Variants in EFCAB5 observed in about 807,000 individuals in gnomAD.
EFCAB5 encodes EF-hand calcium binding domain 5.
A neutral mutation model predicts 167.9 loss-of-function variants in EFCAB5; 131 were observed. The observed-to-expected ratio is 0.78, with a 90% CI of 0.68 to 0.90. The LOEUF is 0.90. Ranked by LOEUF, EFCAB5 falls within the 40% of genes least tolerant of loss-of-function variation. The pLI, the probability that EFCAB5 is intolerant of heterozygous loss-of-function variation, is 0.00. For synonymous variants in EFCAB5, 574 were observed against 602.8 expected (o/e 0.95, Z 0.70); for missense variants, 1,663 against 1,745.2 (o/e 0.95, Z 0.84).
At chr17:30,042,739 A>G (rs753071587) in intron 8 of EFCAB5, among the ~76,000 whole-genome samples, 5 of 152,344 alleles carry the variant, frequency 3.3e-5, no homozygotes, top group Non-Finnish European at 7.4e-5. Context: ...TCAAATCTAC[A>G]TAAACTCTTT....
intron 3 of EFCAB5, among the ~76,000 whole-genome samples, chr17:29,957,416 T>C (rs557864825): frequency 6.6e-6 from 1 of 152,276 alleles, no homozygotes; most frequent in Non-Finnish European, 1.5e-5. Context: ...GCTGCACCTA[T>C]CAAACCATCA....
chr17:30,082,969 A>G lies in EFCAB5; in HGVS notation c.3505A>G (p.Ile1169Val), dbSNP rs1284729813. 8.1e-6 allele frequency: 13 copies of G among 1,613,904 alleles called. No individual in the cohort carries two copies. Among genetic ancestry groups the G allele is most frequent in the Non-Finnish European group, 1.1e-5 (13 of 1,179,904 alleles). The change falls in exon 18 of 23, where the codon ATA (isoleucine) becomes GTA (valine). Residue 1169 changes from isoleucine (I) to valine (V), a missense_variant. Physicochemically the swap from Ile to Val is conservative, Grantham distance 29 (BLOSUM62 3). Coordinates refer to ENST00000394835, the MANE Select transcript of EFCAB5 (RefSeq NM_198529.4). ...EHILHIVITGIGWLYDVTSSI... is the reference protein window; with the variant it reads ...EHILHIVITGVGWLYDVTSSI... ...CATTCTGCATATTGTGATCACTGGC[A>G]TAGGCTGGCTTTATGACGTCACATC...
intron 7 of EFCAB5, 92 bp from the exon 8 acceptor site, chr17:30,034,137 AT>A (rs2069553248): frequency 1.4e-6 from 2 of 1,413,636 alleles, no homozygotes; most frequent in Non-Finnish European, 1.9e-6. Context: ...TTTACAGCCA[AT>A]GTATTTCATG....
intron 7 of EFCAB5, among the ~76,000 whole-genome samples, chr17:30,025,372 A>G (rs2069290266): frequency 6.6e-6 from 1 of 152,348 alleles, no homozygotes; most frequent in South Asian, 2.1e-4. Context: ...ATGAACAGAC[A>G]CTTCTCAAAA....
intron 3 of EFCAB5, among the ~76,000 whole-genome samples, chr17:29,950,024 G>A (rs1044624511): frequency 6.6e-6 from 1 of 152,100 alleles, no homozygotes; most frequent in Non-Finnish European, 1.5e-5. Flanking sequence ...CTTGGGTTAT[G>A]GGAGACAGGT....
intron 3 of EFCAB5, among the ~76,000 whole-genome samples, chr17:29,946,673 C>T (rs535715177): frequency 7.9e-5 from 12 of 151,886 alleles, no homozygotes; most frequent in African/African-American, 2.4e-4. Flanking sequence ...CTCCTGACCT[C>T]GTGATCCACC....
chr17:30,001,402 A>G lies in EFCAB5; in HGVS notation c.1044+1426A>G, dbSNP rs544381981. ...CATAACTTACATTTCTTTGCAAGGG[A>G]CTGATGTTCAGTGGTACTTGCCTAT... is the stretch of plus-strand genomic sequence containing the variant. On this transcript the variant is annotated intron_variant, in intron 7 of 22. Transcript: ENST00000394835. Among the ~76,000 whole-genome samples the G allele has an allele frequency of 3.9e-4, 60 of 152,300 alleles. 1 individual carries two copies. Among genetic ancestry groups the G allele is most frequent in the African/African-American group, 1.4e-3 (59 of 41,570 alleles).
chr17:30,001,369 G>A (rs555307153), intron 7 of EFCAB5, among the ~76,000 whole-genome samples: 1 of 152,296 alleles, frequency 6.6e-6, no homozygotes, highest in South Asian at 2.1e-4. Flanking sequence ...CTTTAATACA[G>A]TAATAAACAT....
intron 7 of EFCAB5, among the ~76,000 whole-genome samples, chr17:30,016,332 A>T (rs190411725): frequency 2.6e-5 from 4 of 152,252 alleles, no homozygotes; most frequent in East Asian, 3.9e-4. Context: ...ATTCAAGGTC[A>T]TATATTCCTG....
At chr17:30,080,322 G>C in intron 16 of EFCAB5, 81 bp downstream of exon 16, 1 of 1,429,190 alleles carries the variant, frequency 7.0e-7, no homozygotes, top group Non-Finnish European at 9.3e-7. Flanking sequence ...CAAGATCCCA[G>C]CTAGCTGCTC....
intron 3 of EFCAB5, among the ~76,000 whole-genome samples, chr17:29,961,980 G>A (rs1469346552): frequency 6.6e-6 from 1 of 152,180 alleles, no homozygotes. Context: ...TGACACCCTT[G>A]TCACAAATCA....
rs563554862 is a variant in EFCAB5 at position 30,022,914 on chromosome 17, T to C, written c.1045-11316T>C. Among the ~76,000 whole-genome samples, 395 of 152,020 alleles carry C rather than the reference T, an allele frequency of 2.6e-3. 3 individuals are homozygous for C. Among genetic ancestry groups the C allele is most frequent in the Admixed American group, 6.6e-3 (101 of 15,252 alleles). On this transcript the variant is annotated intron_variant, in intron 7 of 22. Transcript: ENST00000394835. ...CTCAACTAAATGGAAACTGAACAAC[T>C]TGCTCCTGAATGACTACTGGGTACA...
intron 3 of EFCAB5, among the ~76,000 whole-genome samples, chr17:29,960,818 T>C (rs2067706866): frequency 6.6e-6 from 1 of 152,196 alleles, no homozygotes; most frequent in South Asian, 2.1e-4. Context: ...TATGTAGTTC[T>C]AGGTTTACCT....
At chr17:30,007,940 A>T (rs1343411369) in intron 7 of EFCAB5, among the ~76,000 whole-genome samples, 2 of 152,056 alleles carry the variant, frequency 1.3e-5, no homozygotes, top group South Asian at 4.1e-4. Context: ...GTGAACCATG[A>T]TTGCACCACT....
At chr17:30,046,617 G>C (rs1253508742) in intron 8 of EFCAB5, among the ~76,000 whole-genome samples, 2 of 152,188 alleles carry the variant, frequency 1.3e-5, no homozygotes, top group Admixed American at 1.3e-4. Flanking sequence ...TTGGAAAATA[G>C]ATGAGACCCT....
intron 18 of EFCAB5, 35 bp downstream of exon 18, chr17:30,083,078 G>C: frequency 6.3e-7 from 1 of 1,599,924 alleles, no homozygotes; most frequent in Non-Finnish European, 8.5e-7. Context: ...ATCTCTCCAA[G>C]GTAGCCGAGT....
At chr17:29,962,139 T>TTG (rs1303257533) in intron 3 of EFCAB5, among the ~76,000 whole-genome samples, 1 of 152,182 alleles carries the variant, frequency 6.6e-6, no homozygotes, top group African/African-American at 2.4e-5. Flanking sequence ...TTTGTTCCTT[T>TTG]TGTTTTTTCA....
intron 7 of EFCAB5, among the ~76,000 whole-genome samples, chr17:30,029,211 G>A (rs1035686398): frequency 1.3e-5 from 2 of 152,072 alleles, no homozygotes; most frequent in African/African-American, 4.8e-5. Context: ...CTTATGATGG[G>A]ATTACATCCT....
At chr17:29,988,042 G>A (rs559101508) in intron 4 of EFCAB5, among the ~76,000 whole-genome samples, 3 of 152,324 alleles carry the variant, frequency 2.0e-5, no homozygotes, top group East Asian at 1.9e-4. Flanking sequence ...GTTGGGCATC[G>A]CTGGATAATG....
Sources: allele counts gnomAD v4.1 joint callset (sites outside exome capture counted in the v4.1 genomes callset), GRCh38; gene constraint gnomAD v4.1.1; transcripts MANE v1.5; gene names NCBI Gene and HGNC (gene_info 2026-07-23, HGNC 2026-07-21).